The following CDH16 variants were observed in gnomAD, a reference collection of about 807,000 sequenced individuals.
CDH16 encodes cadherin-16.
A neutral mutation model predicts 87.6 loss-of-function variants in CDH16; 79 were observed. That is an observed-to-expected ratio of 0.90 (90% CI 0.75 to 1.09). The LOEUF is 1.09. CDH16 is among the 50% of genes least tolerant of loss of function. The pLI is 0.00. For missense variants in CDH16, 1,124 were observed against 1,071.7 expected, an observed-to-expected ratio of 1.05 and a Z score of -0.68; for synonymous variants, 457 against 439.5, an observed-to-expected ratio of 1.04 and a Z score of -0.50.
chr16:66,913,614 C>G lies in CDH16; in HGVS notation c.781-1G>C. The G allele has an allele frequency of 6.2e-7, 1 of 1,613,906 alleles. No homozygotes were observed. The highest frequency in any genetic ancestry group is 8.5e-7 in the Non-Finnish European group (1 of 1,179,902). ...GCACATCACCCCCACTCCAGTGTAC[C>G]TGGGGGGGACACCCCGGGCCAAGGG... On this transcript the variant is annotated splice_acceptor_variant, in intron 7 of 17. Transcript: ENST00000299752. LOFTEE classifies it high-confidence loss of function.
intron 3 of CDH16, among the ~76,000 whole-genome samples, chr16:66,917,131 CAA>C (rs57115386): frequency 0.1 from 10,866 of 108,178 alleles, 599 homozygotes; most frequent in African/African-American, 0.18. Flanking sequence ...ACTAAAAATA[CAA>C]AAAAAAAAAA....
At chr16:66,911,755 G>T in intron 13 of CDH16, 144 bp downstream of exon 13, 2 of 1,049,918 alleles carry the variant, frequency 1.9e-6, no homozygotes, top group Non-Finnish European at 2.7e-6. Flanking sequence ...CCCGATCCCT[G>T]CCAGGAGTCA....
rs760698097 is a variant in CDH16 at position 66,909,362 on chromosome 16, A to C, written c.2297T>G (p.Val766Gly). 2 of 1,513,200 alleles carry C rather than the reference A, an allele frequency of 1.3e-6. No individual in the cohort carries two copies. Among genetic ancestry groups the C allele is most frequent in the African/African-American group, 1.4e-5 (1 of 70,840 alleles). 93.7% of individuals were successfully genotyped at this position (1,513,200 alleles called of 1,614,324 possible). The change falls in exon 17 of 18, where the codon GTG becomes GGG. Residue 766 changes from valine (V) to glycine (G), a missense_variant. By Grantham distance (109) the Val-to-Gly change is moderately radical. Coordinates refer to ENST00000299752, the MANE Select transcript of CDH16 (RefSeq NM_004062.4). The surrounding 1 kb of genome is among the most constrained non-coding windows in gnomAD (Gnocchi z 4.1). ...CACCTTGCGCATGCACTGCCCCTCC[A>C]CGTTGCAGCGACACACGATCACTGA... Reference protein sequence around the residue: ...LVRVIVCRCNVEGQCMRKVGR... With the variant: ...LVRVIVCRCNGEGQCMRKVGR...
intron 14 of CDH16, 133 bp downstream of exon 14, chr16:66,911,049 G>A: frequency 1.2e-6 from 1 of 831,510 alleles, no homozygotes. Context: ...ATTGAACCCA[G>A]CTTCATATCT....
intron 5 of CDH16, among the ~76,000 whole-genome samples, chr16:66,915,755 G>C (rs1229717889): frequency 6.6e-6 from 1 of 152,226 alleles, no homozygotes; most frequent in Admixed American, 6.5e-5. Context: ...AATTAGCCGG[G>C]CATGGTGGCG....
intron 7 of CDH16, 123 bp downstream of exon 7, chr16:66,914,093 G>A: frequency 1.2e-6 from 1 of 808,684 alleles, no homozygotes; most frequent in Non-Finnish European, 2.0e-6. Flanking sequence ...GAAGTAATGG[G>A]AAGAGTGGAG....
chr16:66,912,633 G>A (rs748097082), intron 10 of CDH16, 31 bp downstream of exon 10: 2 of 1,613,816 alleles, frequency 1.2e-6, no homozygotes, highest in South Asian at 2.2e-5. Flanking sequence ...AGAGGGGACA[G>A]GGGGCCTGGG....
At chr16:66,913,683 C>T (rs1214185188) in intron 7 of CDH16, 70 bp from the exon 8 acceptor site, 34 of 1,575,362 alleles carry the variant, frequency 2.2e-5, no homozygotes, top group Middle Eastern at 2.0e-4. Flanking sequence ...TCTGATTTCT[C>T]GTTGAGGAGC....
chr16:66,911,235 T>C lies in CDH16; in HGVS notation c.1871A>G (p.Gln624Arg). 2 of 1,613,422 alleles carry C rather than the reference T, an allele frequency of 1.2e-6. No individual in the cohort carries two copies. The highest frequency in any genetic ancestry group is 1.7e-6 in the Non-Finnish European group (2 of 1,179,770). Residue 624 changes from glutamine (Q) to arginine (R), a missense_variant, in exon 14 of 18, where the codon CAG becomes CGG. Coordinates refer to ENST00000299752, the MANE Select transcript of CDH16 (RefSeq NM_004062.4). ...SGEVHTAQSLQGAQPGDTYTV... is the reference protein window; with the variant it reads ...SGEVHTAQSLRGAQPGDTYTV... ...GTAGGTGTCCCCAGGCTGGGCGCCC[T>C]GCAGGGACTGGGCGGTGTGCACCTC...
chr16:66,912,315 C>G lies in CDH16; in HGVS notation c.1475G>C (p.Arg492Thr). 6.2e-7 allele frequency: 1 copy of G among 1,614,202 alleles called. No homozygotes were observed. The highest frequency in any genetic ancestry group is 1.1e-5 in the South Asian group (1 of 91,086). Residue 492 changes from arginine to threonine, a missense_variant, in exon 12 of 18, where the codon AGG (arginine) becomes ACG (threonine). By Grantham distance (71) the Arg-to-Thr change is moderately conservative. Transcript: ENST00000299752. ...GCCAAAAGTCCCTTCTGTGTCTCCC[C>G]TCTCAATGGCAAAATCCATGAGGCG... ...AFRLMDFAIE[R>T]GDTEGTFGLD...
Position 66,911,294 on chromosome 16 carries a change from T to C in CDH16, c.1812A>G (p.Ser604=). The C allele has an allele frequency of 2.5e-6, 4 of 1,613,520 alleles. No individual in the cohort carries two copies. Among genetic ancestry groups the C allele is most frequent in the Non-Finnish European group, 3.4e-6 (4 of 1,179,726 alleles). Residue 604 remains serine, a synonymous_variant, in exon 14 of 18, where the codon TCA becomes TCG. Coordinates refer to ENST00000299752, the MANE Select transcript of CDH16 (RefSeq NM_004062.4). The stretch of plus-strand genomic sequence containing the variant: ...ATTTCTCAATGCAGAGCCAGCCCTC[T>C]GAGTCATTGACTAGGGAGAACCTGC... ...RTLRFSLVND[S]EGWLCIEKFS...
At position 66,910,346 on chromosome 16, in the gene CDH16, T is replaced by G; in HGVS notation, c.2081A>C (p.Asp694Ala). The change falls in exon 15 of 18, where the codon GAT becomes GCT. Residue 694 changes from aspartate (D) to alanine (A), a missense_variant. Coordinates refer to ENST00000299752, the MANE Select transcript of CDH16 (RefSeq NM_004062.4). ...GTAGGGACCGTGCCCACTGGCCAGA[T>G]CGGGGTCCTTGCTGGGTCCACTCAC... ...LIVSGPSKDP[D>A]LASGHGPYSF... is the part of the protein sequence containing the mutation. 6.2e-7 allele frequency: 1 copy of G among 1,613,746 alleles called. No individual in the cohort carries two copies.
rs1290610058 is a variant in CDH16, at chr16:66,916,754, AC to A, written c.130-326del. On this transcript the variant is annotated intron_variant, in intron 3 of 17. Coordinates refer to ENST00000299752, the MANE Select transcript of CDH16 (RefSeq NM_004062.4). This position sits in a 1 kb window ranked among gnomAD's most constrained non-coding sequence, Gnocchi z 4.1. ...TCCCACTGCAGGTTGAGCATCTCTAACCCGAAAATCTGAAATCTGAAATACT... is the reference window on the plus strand; with the variant it reads ...TCCCACTGCAGGTTGAGCATCTCTAACCGAAAATCTGAAATCTGAAATACT... Among the ~76,000 whole-genome samples, 2 of 152,206 alleles carry A rather than the reference AC, an allele frequency of 1.3e-5. No individual in the cohort carries two copies.
In CDH16 at chr16:66,909,365, T is replaced by A; in HGVS notation, c.2294A>T (p.Asn765Ile). 1.2e-6 allele frequency: 2 copies of A among 1,607,882 alleles called. No homozygotes were observed. The highest frequency in any genetic ancestry group is 1.7e-6 in the Non-Finnish European group (2 of 1,177,238). ...LLVRVIVCRCNVEGQCMRKVG... is the reference protein window; with the variant it reads ...LLVRVIVCRCIVEGQCMRKVG... Reference sequence around the variant, plus strand: ...CTTGCGCATGCACTGCCCCTCCACGTTGCAGCGACACACGATCACTGAGGG... The same window carrying A: ...CTTGCGCATGCACTGCCCCTCCACGATGCAGCGACACACGATCACTGAGGG... Residue 765 changes from asparagine to isoleucine, a missense_variant, in exon 17 of 18, where the codon AAC becomes ATC. Transcript: ENST00000299752. The surrounding 1 kb of genome is among the most constrained non-coding windows in gnomAD (Gnocchi z 4.1).
At position 66,909,394 on chromosome 16, in the gene CDH16, A is replaced by G; in HGVS notation, c.2276-11T>C. The stretch of plus-strand genomic sequence containing the variant: ...AGCGACACACGATCACTGAGGGGAG[A>G]GGGGAGGAAGGTAAGGGGAGGGAGG... On this transcript the variant is annotated splice_polypyrimidine_tract_variant and intron_variant, in intron 16 of 17. Coordinates refer to ENST00000299752, the MANE Select transcript of CDH16 (RefSeq NM_004062.4). This position sits in a 1 kb window ranked among gnomAD's most constrained non-coding sequence, Gnocchi z 4.1. The G allele has an allele frequency of 1.5e-6, 1 of 669,876 alleles. No individual in the cohort carries two copies. Among genetic ancestry groups the G allele is most frequent in the Non-Finnish European group, 2.5e-6 (1 of 393,044 alleles). 41.5% of individuals were successfully genotyped at this position (669,876 alleles called of 1,614,324 possible).
chr16:66,910,966 G>A, intron 14 of CDH16: 1 of 527,848 alleles, frequency 1.9e-6, no homozygotes. Context: ...GTCAATCTAG[G>A]AGAATGATCA....
rs1452873470 is a variant in CDH16, at chr16:66,916,797, T to C, written c.130-368A>G. Among the ~76,000 whole-genome samples, 8 of 152,228 alleles carry C rather than the reference T, an allele frequency of 5.3e-5. No homozygotes were observed. Among genetic ancestry groups the C allele is most frequent in the Non-Finnish European group, 1.0e-4 (7 of 68,036 alleles). ...TGAAATACTCAAAATCTGAAACTTT[T>C]TGAGCGCCAATATGATGTGACAAGT... On this transcript the variant is annotated intron_variant, in intron 3 of 17. Transcript: ENST00000299752. The surrounding 1 kb of genome is among the most constrained non-coding windows in gnomAD (Gnocchi z 4.1).
rs1158253913 is a variant in CDH16, at chr16:66,917,679, T to G, written c.92A>C (p.Glu31Ala). ...QPAELSVEVP[E>A]NYGGNFPLYL... ...TAAAGGGAAATTTCCACCATAGTTTTCTGGAACTTCCACAGACAGCTCTGC... is the reference window on the plus strand; with the variant it reads ...TAAAGGGAAATTTCCACCATAGTTTGCTGGAACTTCCACAGACAGCTCTGC... The change falls in exon 3 of 18, where the codon GAA becomes GCA. Residue 31 changes from glutamate to alanine, a missense_variant. Physicochemically the swap from Glu to Ala is moderately radical, Grantham distance 107. Transcript: ENST00000299752. 2 of 1,613,502 alleles carry G rather than the reference T, an allele frequency of 1.2e-6. No individual in the cohort carries two copies.
At position 66,918,048 on chromosome 16, in the gene CDH16, C is replaced by T. The variant is rs368160568; in HGVS notation, c.18G>A (p.Leu6=). 95 of 1,586,054 alleles carry T rather than the reference C, an allele frequency of 6.0e-5. No individual in the cohort carries two copies. Among genetic ancestry groups the T allele is most frequent in the Admixed American group, 1.1e-4 (6 of 55,736 alleles). Residue 6 remains leucine, a synonymous_variant, in exon 2 of 18, where the codon CTG becomes CTA. Transcript: ENST00000299752. The stretch of plus-strand genomic sequence containing the variant: ...GGGGGACGGAGACACAAAGCAGCCA[C>T]AGCCAGGCAGGGACCATGGTCAGGA... MVPAW[L]WLLCVSVPQA... is the part of the protein sequence containing the mutation.
Sources: gnomAD v4.1 joint callset for allele counts (sites outside exome capture counted in the v4.1 genomes callset) on GRCh38, gnomAD v4.1.1 for gene constraint, Gnocchi (gnomAD v3.1) non-coding constraint, MANE v1.5 for transcripts, NCBI Gene and HGNC (gene_info 2026-07-23, HGNC 2026-07-21) for gene names.